The following SNTG1 variants were observed in gnomAD, a reference collection of about 807,000 sequenced individuals.
SNTG1 encodes the protein syntrophin gamma 1, also known as gamma-1-syntrophin.
A neutral mutation model predicts 74.7 loss-of-function variants in SNTG1; 39 were observed. The observed-to-expected ratio is 0.52, with a 90% confidence interval of 0.40 to 0.68. SNTG1 has a LOEUF of 0.68. Among genes scored for constraint, SNTG1 ranks in the 30% least tolerant of loss-of-function variants. SNTG1 has a pLI of 0.00. For missense variants in SNTG1, 685 were observed against 609.5 expected (o/e 1.12, Z -1.30); for synonymous variants, 254 against 217.1 (o/e 1.17, Z -1.49).
chr8:50,693,351 TGGG>T (rs755260919), intron 15 of SNTG1, among the ~76,000 whole-genome samples: 18 of 152,292 alleles, frequency 1.2e-4, no homozygotes, highest in South Asian at 4.1e-4. Context: ...TCACTCACTC[TGGG>T]AGCTGTAGAC....
intron 12 of SNTG1, among the ~76,000 whole-genome samples, chr8:50,562,552 G>A (rs924057872): frequency 6.6e-6 from 1 of 152,080 alleles, no homozygotes. Flanking sequence ...TTTCTCCCCT[G>A]TTTGATTCAT....
intron 12 of SNTG1, among the ~76,000 whole-genome samples, chr8:50,558,138 G>A (rs1585679691): frequency 6.6e-6 from 1 of 152,124 alleles, no homozygotes; most frequent in East Asian, 1.9e-4. Flanking sequence ...AGAAGAGTGG[G>A]GATCCCTCAT....
intron 1 of SNTG1, among the ~76,000 whole-genome samples, chr8:50,084,338 G>A (rs1012722939): frequency 1.3e-5 from 2 of 152,088 alleles, no homozygotes; most frequent in Non-Finnish European, 2.9e-5. Context: ...GTGGGCACCT[G>A]TAGTCCCAGC....
intron 17 of SNTG1, among the ~76,000 whole-genome samples, chr8:50,741,996 C>T (rs2095544568): frequency 6.6e-6 from 1 of 151,866 alleles, no homozygotes; most frequent in South Asian, 2.1e-4. Flanking sequence ...CAAAAGTGAA[C>T]CCAAATGTAA....
At chr8:50,780,560 C>A (rs2095656044) in intron 18 of SNTG1, among the ~76,000 whole-genome samples, 1 of 152,136 alleles carries the variant, frequency 6.6e-6, no homozygotes, top group Admixed American at 6.6e-5. Flanking sequence ...TCCCCTTTAT[C>A]ATTTTTTATT....
intron 2 of SNTG1, among the ~76,000 whole-genome samples, chr8:50,390,668 C>T (rs538979198): frequency 1.1e-4 from 16 of 152,238 alleles, no homozygotes; most frequent in African/African-American, 3.9e-4. Context: ...GGCAGAATGG[C>T]CATTTTCATG....
At chr8:50,354,413 G>A (rs1276258329) in intron 2 of SNTG1, among the ~76,000 whole-genome samples, 1 of 151,796 alleles carries the variant, frequency 6.6e-6, no homozygotes, top group Admixed American at 6.6e-5. Context: ...TCCATTTTTT[G>A]TACTAGATTT....
At chr8:50,116,283 T>C (rs1322905377) in intron 1 of SNTG1, among the ~76,000 whole-genome samples, 1 of 152,176 alleles carries the variant, frequency 6.6e-6, no homozygotes, top group East Asian at 1.9e-4. Flanking sequence ...AATGCCTTTT[T>C]TTCTACTTAA....
intron 15 of SNTG1, among the ~76,000 whole-genome samples, chr8:50,690,173 A>T (rs1250717902): frequency 1.3e-5 from 2 of 151,974 alleles, no homozygotes; most frequent in South Asian, 4.1e-4. Flanking sequence ...CAGTCTATCA[A>T]TTTTGTTGAT....
At chr8:50,634,850 C>T (rs575989406) in intron 13 of SNTG1, among the ~76,000 whole-genome samples, 1 of 152,198 alleles carries the variant, frequency 6.6e-6, no homozygotes, top group Non-Finnish European at 1.5e-5. Flanking sequence ...TGTCCCCACA[C>T]TCTTTTGTAA....
intron 17 of SNTG1, among the ~76,000 whole-genome samples, chr8:50,726,838 G>C (rs1187397353): frequency 6.6e-6 from 1 of 152,046 alleles, no homozygotes. Flanking sequence ...GACAGAGTGA[G>C]ACTCTGTCTC....
At chr8:50,654,818 C>G (rs959280064) in intron 13 of SNTG1, among the ~76,000 whole-genome samples, 2 of 152,132 alleles carry the variant, frequency 1.3e-5, no homozygotes, top group Non-Finnish European at 2.9e-5. Context: ...AGCTCCAGTC[C>G]TGGCAAGGGC....
intron 15 of SNTG1, among the ~76,000 whole-genome samples, chr8:50,663,932 A>G (rs1425133634): frequency 6.6e-6 from 1 of 152,118 alleles, no homozygotes; most frequent in Non-Finnish European, 1.5e-5. Flanking sequence ...AACAGATCTC[A>G]ACCACACTTA....
At chr8:50,640,475 C>G (rs950593069) in intron 13 of SNTG1, among the ~76,000 whole-genome samples, 7 of 152,172 alleles carry the variant, frequency 4.6e-5, no homozygotes, top group Non-Finnish European at 5.9e-5. Flanking sequence ...TATAATCTTA[C>G]TAAACTTGGA....
At chr8:50,408,814 G>C (rs773406501) in intron 4 of SNTG1, among the ~76,000 whole-genome samples, 5 of 152,176 alleles carry the variant, frequency 3.3e-5, no homozygotes, top group Admixed American at 6.5e-5. Flanking sequence ...GCAGAAACAA[G>C]AATTGAGAAT....
At chr8:50,173,543 G>T (rs1344554412) in intron 2 of SNTG1, among the ~76,000 whole-genome samples, 2 of 152,144 alleles carry the variant, frequency 1.3e-5, no homozygotes, top group Non-Finnish European at 2.9e-5. Flanking sequence ...ATCTTTGAGT[G>T]TATCATGTGT....
intron 1 of SNTG1, among the ~76,000 whole-genome samples, chr8:50,132,674 T>A (rs535409364): frequency 6.6e-6 from 1 of 152,196 alleles, no homozygotes; most frequent in Non-Finnish European, 1.5e-5. Flanking sequence ...GTAGGTCCCA[T>A]TGGACAGTGA....
chr8:50,465,372 T>A (rs1175980824), intron 8 of SNTG1, among the ~76,000 whole-genome samples: 1 of 152,196 alleles, frequency 6.6e-6, no homozygotes, highest in Non-Finnish European at 1.5e-5. Flanking sequence ...TAAGTGAAGT[T>A]GCTTCAAACA....
intron 16 of SNTG1, among the ~76,000 whole-genome samples, chr8:50,705,105 G>A (rs1039159572): frequency 1.3e-5 from 2 of 151,968 alleles, no homozygotes; most frequent in African/African-American, 4.8e-5. Flanking sequence ...CTAATTTCCA[G>A]CCTGTTGGCG....
Sources: allele counts gnomAD v4.1 joint callset (sites outside exome capture counted in the v4.1 genomes callset), GRCh38; gene constraint gnomAD v4.1.1; transcripts MANE v1.5; gene names NCBI Gene and HGNC (gene_info 2026-07-23, HGNC 2026-07-21).